The following KAZN variants were observed in gnomAD, a reference collection of about 807,000 sequenced individuals.
The protein encoded by KAZN is kazrin, periplakin interacting protein.
Under a neutral mutation model 87.4 loss-of-function variants are expected in KAZN, and 40 were observed. That is an observed-to-expected ratio of 0.46 (90% CI 0.36 to 0.60). The LOEUF is 0.60. Among genes scored for constraint, KAZN ranks in the 20% least tolerant of loss-of-function variants. The probability of loss-of-function intolerance (pLI) is 0.00; values close to 1 mark genes in which losing one functional copy is unlikely to be tolerated. For missense variants in KAZN, 898 were observed against 1,073.9 expected (o/e 0.84, Z 2.29); for synonymous variants, 466 against 458.3 (o/e 1.02, Z -0.22).
chr1:14,884,745 AC>A (rs1214700716), intron 1 of KAZN, among the ~76,000 whole-genome samples: 1 of 152,110 alleles, frequency 6.6e-6, no homozygotes, highest in African/African-American at 2.4e-5. Context: ...CCCAGGTAAG[AC>A]CCATGCTGCT....
At chr1:15,112,249 C>T in intron 13 of KAZN, 178 bp from the exon 14 acceptor site, 1 of 601,282 alleles carries the variant, frequency 1.7e-6, no homozygotes, top group Non-Finnish European at 3.0e-6. Context: ...TTGTGAGAAT[C>T]ACGCTTATAA....
intron 2 of KAZN, among the ~76,000 whole-genome samples, chr1:14,457,506 CAG>C (rs1253445962): frequency 1.3e-5 from 2 of 152,138 alleles, no homozygotes; most frequent in Non-Finnish European, 2.9e-5. Flanking sequence ...CATTTTTGAA[CAG>C]AAATAATTCA....
intron 2 of KAZN, among the ~76,000 whole-genome samples, chr1:14,255,804 A>G (rs1326495451): frequency 6.6e-6 from 1 of 152,222 alleles, no homozygotes; most frequent in Non-Finnish European, 1.5e-5. Flanking sequence ...ATTTTAAATC[A>G]CTGTGAGATT....
At chr1:15,069,406 G>C (rs867616610) in intron 8 of KAZN, among the ~76,000 whole-genome samples, 5 of 152,206 alleles carry the variant, frequency 3.3e-5, no homozygotes, top group Admixed American at 6.5e-5. Flanking sequence ...CAGCGTCCTA[G>C]CTATCGTGCC....
intron 1 of KAZN, among the ~76,000 whole-genome samples, chr1:14,689,025 C>G (rs1433636374): frequency 6.6e-6 from 1 of 152,126 alleles, no homozygotes; most frequent in African/African-American, 2.4e-5. Context: ...AAAACCCCAT[C>G]TCTACTAAAA....
At chr1:14,085,516 A>G (rs1643827610) in intron 1 of KAZN, among the ~76,000 whole-genome samples, 1 of 152,082 alleles carries the variant, frequency 6.6e-6, no homozygotes, top group African/African-American at 2.4e-5. Flanking sequence ...AATTGAAGTC[A>G]CTCAGCATGG....
chr1:14,272,516 G>C (rs942282474), intron 2 of KAZN, among the ~76,000 whole-genome samples: 1 of 152,270 alleles, frequency 6.6e-6, no homozygotes, highest in East Asian at 1.9e-4. Context: ...GCATGTTAGT[G>C]CATGACTTTC....
chr1:14,469,694 C>T (rs1668345613), intron 2 of KAZN, among the ~76,000 whole-genome samples: 1 of 152,082 alleles, frequency 6.6e-6, no homozygotes, highest in Non-Finnish European at 1.5e-5. Context: ...GTATATTTTC[C>T]CTTGAACATG....
chr1:14,490,827 C>T (rs72645964), intron 2 of KAZN, among the ~76,000 whole-genome samples: 2,888 of 152,316 alleles, frequency 0.019, 48 homozygotes, highest in Non-Finnish European at 0.027. Context: ...CATGATGCTT[C>T]CACATAATCG....
chr1:15,094,906 A>G lies in KAZN; in HGVS notation c.1520A>G (p.Asp507Gly), dbSNP rs1280312065. Residue 507 changes from aspartate (D) to glycine (G), a missense_variant, in exon 10 of 15, where the codon GAC (aspartate) becomes GGC (glycine). By Grantham distance (94) the Asp-to-Gly change is moderately conservative. Transcript: ENST00000376030. This position sits in a 1 kb window ranked among gnomAD's most constrained non-coding sequence, Gnocchi z 4.5. ...CGCAAGCTGCGCCTGGCCATCGAGG[A>G]CTACCGTGATGCCGAGGCAGGCCGC... Reference protein sequence around the residue: ...HRRKLRLAIEDYRDAEAGRSL... With the variant: ...HRRKLRLAIEGYRDAEAGRSL... 1.3e-6 allele frequency: 2 copies of G among 1,550,480 alleles called. No individual in the cohort carries two copies.
chr1:14,314,312 G>T (rs16853913), intron 2 of KAZN, among the ~76,000 whole-genome samples: 3,641 of 152,190 alleles, frequency 0.024, 150 homozygotes, highest in African/African-American at 0.083. Context: ...TATGATAACT[G>T]TCTACTTAAA....
At chr1:14,806,258 T>C (rs1243182075) in intron 1 of KAZN, among the ~76,000 whole-genome samples, 1 of 151,942 alleles carries the variant, frequency 6.6e-6, no homozygotes, top group African/African-American at 2.4e-5. Context: ...AGCTCGTTAA[T>C]GGTTCCATCA....
intron 1 of KAZN, among the ~76,000 whole-genome samples, chr1:14,809,885 T>A (rs1377558218): frequency 6.6e-6 from 1 of 152,112 alleles, no homozygotes; most frequent in East Asian, 1.9e-4. Flanking sequence ...TCCACCACCA[T>A]CAACTCTGCC....
At chr1:14,186,868 A>C (rs567039) in intron 2 of KAZN, among the ~76,000 whole-genome samples, 83,822 of 151,682 alleles carry the variant, frequency 0.55, 24,261 homozygotes, top group African/African-American at 0.73. Context: ...TTTACCCCTA[A>C]CTCTCCTCCC....
intron 2 of KAZN, among the ~76,000 whole-genome samples, chr1:14,377,798 T>C (rs1661034715): frequency 6.6e-6 from 1 of 152,218 alleles, no homozygotes; most frequent in Non-Finnish European, 1.5e-5. Context: ...ACTTCGGCAC[T>C]ATTCATTCTG....
At chr1:15,050,830 T>A (rs1442736668) in intron 4 of KAZN, among the ~76,000 whole-genome samples, 1 of 152,154 alleles carries the variant, frequency 6.6e-6, no homozygotes, top group African/African-American at 2.4e-5. Flanking sequence ...CGAGCCTGCA[T>A]TGGTCCTTGG....
intron 1 of KAZN, among the ~76,000 whole-genome samples, chr1:14,067,982 C>T (rs1643079076): frequency 6.6e-6 from 1 of 152,182 alleles, no homozygotes; most frequent in Non-Finnish European, 1.5e-5. Flanking sequence ...AATTGTGACA[C>T]ACTCATTCCT....
At chr1:14,302,786 C>A (rs10927407) in intron 2 of KAZN, among the ~76,000 whole-genome samples, 17,668 of 152,102 alleles carry the variant, frequency 0.12, 1,753 homozygotes, top group African/African-American at 0.27. Context: ...CTATAGAAAC[C>A]AAAGGTAAAA....
intron 1 of KAZN, among the ~76,000 whole-genome samples, chr1:14,912,247 C>T (rs1297332534): frequency 6.6e-6 from 1 of 151,996 alleles, no homozygotes; most frequent in Non-Finnish European, 1.5e-5. Flanking sequence ...TCCAGTGCTC[C>T]TTCTAATCTG....
Sources: allele counts gnomAD v4.1 joint callset (sites outside exome capture counted in the v4.1 genomes callset), GRCh38; gene constraint gnomAD v4.1.1; non-coding constraint Gnocchi (gnomAD v3.1); transcripts MANE v1.5; gene names NCBI Gene and HGNC (gene_info 2026-07-23, HGNC 2026-07-21).